Variants in RAD51B observed in about 807,000 individuals in gnomAD.
RAD51B encodes DNA repair protein RAD51 homolog 2.
In RAD51B, 38 loss-of-function variants were observed where a neutral mutation model predicts 42.2. The ratio of observed to expected loss-of-function variants is 0.90; its 90% confidence interval spans 0.70 to 1.18. The LOEUF is 1.18. Among genes scored for constraint, RAD51B ranks in the 50% most tolerant of loss-of-function variants. The pLI is 0.00. For synonymous variants in RAD51B, 154 were observed against 145.2 expected (o/e 1.06, Z -0.43); for missense variants, 373 against 400.7 (o/e 0.93, Z 0.59).
intron 10 of RAD51B, among the ~76,000 whole-genome samples, chr14:68,557,562 C>T (rs7493696): frequency 2.0e-5 from 3 of 152,194 alleles, no homozygotes; most frequent in Non-Finnish European, 4.4e-5. Context: ...TACAATGGTG[C>T]TGTGCACATG....
intron 8 of RAD51B, among the ~76,000 whole-genome samples, chr14:68,335,060 G>GC (rs1664387133): frequency 6.7e-6 from 1 of 149,914 alleles, no homozygotes; most frequent in Non-Finnish European, 1.5e-5. Flanking sequence ...ACTTTGTGGG[G>GC]CCGAGGCAGG....
chr14:68,335,112 C>A (rs1346860277), intron 8 of RAD51B, among the ~76,000 whole-genome samples: 1 of 150,454 alleles, frequency 6.6e-6, no homozygotes, highest in Non-Finnish European at 1.5e-5. Context: ...GCCTGGCCAA[C>A]ATAGTCAAAC....
chr14:68,148,439 T>C (rs574879867), intron 7 of RAD51B, among the ~76,000 whole-genome samples: 1 of 152,248 alleles, frequency 6.6e-6, no homozygotes, highest in Non-Finnish European at 1.5e-5. Context: ...TCACCAGCAA[T>C]GAATGAGAGT....
At chr14:67,828,255 T>C (rs904635994) in intron 3 of RAD51B, among the ~76,000 whole-genome samples, 1 of 152,194 alleles carries the variant, frequency 6.6e-6, no homozygotes, top group Non-Finnish European at 1.5e-5. Flanking sequence ...GTTGAGCTTT[T>C]TTTTTCTATG....
intron 7 of RAD51B, among the ~76,000 whole-genome samples, chr14:67,893,180 G>A (rs1054700737): frequency 6.6e-6 from 1 of 152,072 alleles, no homozygotes; most frequent in African/African-American, 2.4e-5. Flanking sequence ...AATAGTATTG[G>A]CATCAGTCTT....
intron 8 of RAD51B, among the ~76,000 whole-genome samples, chr14:68,332,469 A>G (rs1170193302): frequency 6.6e-6 from 1 of 152,244 alleles, no homozygotes; most frequent in African/African-American, 2.4e-5. Flanking sequence ...GCTCCCTTTC[A>G]TAGTATTGTT....
At chr14:68,540,961 T>C (rs776252755) in intron 10 of RAD51B, 1 of 985,474 alleles carries the variant, frequency 1.0e-6, no homozygotes, top group Non-Finnish European at 1.2e-6. Context: ...ACAACTATAA[T>C]ACATCTTTGA....
At chr14:68,238,082 AT>A (rs777751838) in intron 7 of RAD51B, among the ~76,000 whole-genome samples, 23 of 152,242 alleles carry the variant, frequency 1.5e-4, no homozygotes, top group Admixed American at 4.6e-4. Context: ...TTCTTTTAAC[AT>A]TTTGAGGAGC....
At chr14:68,646,869 A>C (rs1425319357) in intron 10 of RAD51B, among the ~76,000 whole-genome samples, 1 of 152,208 alleles carries the variant, frequency 6.6e-6, no homozygotes, top group Non-Finnish European at 1.5e-5. Context: ...AGCCTTATAC[A>C]TAAAGAAAAA....
At chr14:68,437,674 G>A (rs891631326) in intron 9 of RAD51B, among the ~76,000 whole-genome samples, 15 of 152,106 alleles carry the variant, frequency 9.9e-5, no homozygotes, top group Non-Finnish European at 1.9e-4. Context: ...GTCAAATAAA[G>A]CTCAGTTTCC....
At chr14:67,980,524 A>G (rs552557254) in intron 7 of RAD51B, among the ~76,000 whole-genome samples, 1 of 152,338 alleles carries the variant, frequency 6.6e-6, no homozygotes, top group South Asian at 2.1e-4. Flanking sequence ...CAATCAAGGC[A>G]GGGTATTGGC....
At chr14:68,406,650 G>A (rs1281710988) in intron 8 of RAD51B, among the ~76,000 whole-genome samples, 4 of 152,118 alleles carry the variant, frequency 2.6e-5, no homozygotes, top group Non-Finnish European at 5.9e-5. Flanking sequence ...TATATTCATT[G>A]ATAGAGACAT....
intron 10 of RAD51B, among the ~76,000 whole-genome samples, chr14:68,606,277 C>T (rs1382569578): frequency 6.6e-6 from 1 of 152,140 alleles, no homozygotes; most frequent in African/African-American, 2.4e-5. Flanking sequence ...TTAGGAAGAG[C>T]CAAGCCAGGC....
chr14:68,386,412 T>C (rs1461408962), intron 8 of RAD51B, among the ~76,000 whole-genome samples: 1 of 152,228 alleles, frequency 6.6e-6, no homozygotes, highest in Non-Finnish European at 1.5e-5. Flanking sequence ...CTGATACAGA[T>C]GCAGCAATAA....
At chr14:68,551,299 A>C (rs1285982880) in intron 10 of RAD51B, among the ~76,000 whole-genome samples, 3 of 152,158 alleles carry the variant, frequency 2.0e-5, no homozygotes, top group Admixed American at 6.5e-5. Context: ...GGCAGTCAGC[A>C]GTCCCATGAC....
chr14:68,506,231 A>G (rs1389722821), intron 10 of RAD51B, among the ~76,000 whole-genome samples: 1 of 152,206 alleles, frequency 6.6e-6, no homozygotes, highest in African/African-American at 2.4e-5. Flanking sequence ...TTCAGACAGG[A>G]TGACACATAA....
At chr14:67,975,690 C>G (rs1050198518) in intron 7 of RAD51B, among the ~76,000 whole-genome samples, 3 of 152,346 alleles carry the variant, frequency 2.0e-5, no homozygotes, top group African/African-American at 7.2e-5. Context: ...GGATTGGTTA[C>G]AGCTCCGCAT....
At chr14:68,643,945 G>A (rs961654246) in intron 10 of RAD51B, among the ~76,000 whole-genome samples, 2 of 152,162 alleles carry the variant, frequency 1.3e-5, no homozygotes, top group African/African-American at 2.4e-5. Context: ...CTCAGATTCC[G>A]CTTTGGGCTT....
intron 4 of RAD51B, among the ~76,000 whole-genome samples, chr14:67,835,899 CAATTGGGGG>C (rs944015217): frequency 6.3e-4 from 96 of 151,866 alleles, no homozygotes; most frequent in Middle Eastern, 3.4e-3. Context: ...TATTATGAAA[CAATTGGGGG>C]AATTAAAAAA....
Sources: allele counts gnomAD v4.1 joint callset (sites outside exome capture counted in the v4.1 genomes callset), GRCh38; gene constraint gnomAD v4.1.1; transcripts MANE v1.5; gene names NCBI Gene and HGNC (gene_info 2026-07-23, HGNC 2026-07-21).